The following PCDHAC1 variants were observed in gnomAD, a reference collection of about 807,000 sequenced individuals.
The protein encoded by PCDHAC1 is protocadherin alpha subfamily C, 1, also known as protocadherin alpha-C1.
Under a neutral mutation model 60.0 loss-of-function variants are expected in PCDHAC1, and 42 were observed. The observed-to-expected ratio is 0.70, with a 90% CI of 0.55 to 0.90. The LOEUF is 0.90. Ranked by LOEUF, PCDHAC1 falls within the 40% of genes least tolerant of loss-of-function variation. PCDHAC1 has a pLI of 0.00. For missense variants in PCDHAC1, 1,160 were observed against 1,222.3 expected (o/e 0.95, Z 0.76); for synonymous variants, 468 against 499.3 (o/e 0.94, Z 0.84).
chr5:140,982,582 T>C lies in PCDHAC1; in HGVS notation c.2581+19T>C. On this transcript the variant is annotated intron_variant, in intron 3 of 3. Transcript: ENST00000253807. ...ACACCAGGTAAAGAGCTGGGGTCTC[T>C]CCATTCTTTCTTGGTTTCTGGAAAG... 6.2e-7 allele frequency: 1 copy of C among 1,612,148 alleles called. No homozygotes were observed. Among genetic ancestry groups the C allele is most frequent in the Non-Finnish European group, 8.5e-7 (1 of 1,178,720 alleles).
At chr5:140,950,914 T>C (rs1198787949) in intron 1 of PCDHAC1, among the ~76,000 whole-genome samples, 1 of 152,044 alleles carries the variant, frequency 6.6e-6, no homozygotes, top group African/African-American at 2.4e-5. Flanking sequence ...TTTATTTTAT[T>C]TCAGTTCTTT....
intron 1 of PCDHAC1, among the ~76,000 whole-genome samples, chr5:140,974,766 G>A (rs2096639663): frequency 6.6e-6 from 1 of 152,158 alleles, no homozygotes; most frequent in Non-Finnish European, 1.5e-5. Flanking sequence ...GGGATTACAG[G>A]TATGAGCCAC....
chr5:141,009,494 A>G (rs1554262180), intron 3 of PCDHAC1, 133 bp from the exon 4 acceptor site: 16 of 1,488,800 alleles, frequency 1.1e-5, no homozygotes, highest in Non-Finnish European at 1.4e-5. Flanking sequence ...TTGCCCTCAG[A>G]CTTGAACAAA....
chr5:140,974,544 T>C (rs1393611069), intron 1 of PCDHAC1, among the ~76,000 whole-genome samples: 1 of 152,232 alleles, frequency 6.6e-6, no homozygotes, highest in Non-Finnish European at 1.5e-5. Context: ...GGAGTTTTGC[T>C]CTTGTTGCCC....
chr5:140,980,057 C>T (rs559895684), intron 2 of PCDHAC1, among the ~76,000 whole-genome samples: 2 of 152,272 alleles, frequency 1.3e-5, no homozygotes, highest in East Asian at 3.9e-4. Context: ...GATTCAGAAG[C>T]AATCAGTGAA....
chr5:140,977,630 C>T (rs2096769145), intron 1 of PCDHAC1, among the ~76,000 whole-genome samples: 1 of 152,148 alleles, frequency 6.6e-6, no homozygotes, highest in African/African-American at 2.4e-5. Flanking sequence ...AGAGTTGTAA[C>T]TTTTTCTGGG....
intron 3 of PCDHAC1, among the ~76,000 whole-genome samples, chr5:141,006,466 G>T (rs2153987717): frequency 6.6e-6 from 1 of 152,178 alleles, no homozygotes; most frequent in South Asian, 2.1e-4. Context: ...GCCTGTCTCG[G>T]CCTCCCAAAG....
chr5:141,007,654 C>G (rs1461130528), intron 3 of PCDHAC1, among the ~76,000 whole-genome samples: 1 of 152,052 alleles, frequency 6.6e-6, no homozygotes, highest in Non-Finnish European at 1.5e-5. Flanking sequence ...CCTAAAAAAC[C>G]ATAAATTTAC....
chr5:141,001,022 T>C (rs2097984457), intron 3 of PCDHAC1, among the ~76,000 whole-genome samples: 1 of 152,250 alleles, frequency 6.6e-6, no homozygotes, highest in Non-Finnish European at 1.5e-5. Context: ...TATACACTTA[T>C]AATAATAGCT....
chr5:140,944,710 T>C (rs564606677), intron 1 of PCDHAC1, among the ~76,000 whole-genome samples: 1 of 152,300 alleles, frequency 6.6e-6, no homozygotes, highest in East Asian at 1.9e-4. Flanking sequence ...TCAGGTTATT[T>C]TGCCTTTGAA....
intron 3 of PCDHAC1, among the ~76,000 whole-genome samples, chr5:140,984,059 C>A (rs1269975627): frequency 6.6e-6 from 1 of 152,108 alleles, no homozygotes; most frequent in East Asian, 1.9e-4. Flanking sequence ...CAAATCTGTA[C>A]CCTCAGTGCC....
intron 1 of PCDHAC1, chr5:140,968,458 T>C: frequency 6.2e-7 from 1 of 1,614,148 alleles, no homozygotes; most frequent in East Asian, 2.2e-5. Flanking sequence ...GCACTGTGAC[T>C]GCCAACGTAT....
chr5:140,978,044 G>A (rs1205342779), intron 1 of PCDHAC1, among the ~76,000 whole-genome samples: 1 of 152,140 alleles, frequency 6.6e-6, no homozygotes, highest in Non-Finnish European at 1.5e-5. Flanking sequence ...GACAGTGATG[G>A]TGACTGATGA....
chr5:140,948,255 C>G (rs1271882562), intron 1 of PCDHAC1, among the ~76,000 whole-genome samples: 1 of 151,484 alleles, frequency 6.6e-6, no homozygotes, highest in Non-Finnish European at 1.5e-5. Flanking sequence ...ATTTTTACAT[C>G]TGTGTTCATG....
chr5:140,997,357 A>G (rs1309712075), intron 3 of PCDHAC1, among the ~76,000 whole-genome samples: 1 of 152,218 alleles, frequency 6.6e-6, no homozygotes, highest in Non-Finnish European at 1.5e-5. Flanking sequence ...ATGTACTTAC[A>G]TAAACCTAGA....
At chr5:140,950,389 T>C (rs269550) in intron 1 of PCDHAC1, among the ~76,000 whole-genome samples, 33,984 of 151,960 alleles carry the variant, frequency 0.22, 4,900 homozygotes, top group African/African-American at 0.41. Context: ...TTGAATGATA[T>C]AGAATTCTGG....
rs2083383863 is a variant in PCDHAC1, at chr5:140,926,590, G to A, written c.-303G>A. 1 of 296,754 alleles carries A rather than the reference G, an allele frequency of 3.4e-6. No individual in the cohort carries two copies. Among genetic ancestry groups the A allele is most frequent in the Non-Finnish European group, 6.1e-6 (1 of 162,726 alleles). The allele number at this position is 296,754 out of a possible 1,614,324, so 18.4% of individuals were successfully genotyped here. A position where few individuals can be genotyped will look rare whatever the true frequency, so the allele number is the denominator to read the frequency against. ...CTGGAGACAGCACCTCTCGCGCCCG[G>A]GCGGGCGGCCTCGTCTCTGCACCCC... On this transcript the variant is annotated 5_prime_UTR_variant, in exon 1 of 4. Transcript: ENST00000253807.
At chr5:140,969,598 T>C in intron 1 of PCDHAC1, 1 of 790,872 alleles carries the variant, frequency 1.3e-6, no homozygotes, top group Non-Finnish European at 1.9e-6. Context: ...TAATATTTAA[T>C]GCTAAAACAC....
rs2153592349 is a variant in PCDHAC1 at position 140,927,874 on chromosome 5, G to A, written c.982G>A (p.Val328Met). 1.9e-6 allele frequency: 3 copies of A among 1,614,102 alleles called. No individual in the cohort carries two copies. The East Asian group carries it at 6.7e-5, about 36-fold the overall frequency. Reference sequence around the variant, plus strand: ...TTTAGCTAGCACCGCTAAACTGCTGGTGGAGGTGACTGACGTGAACGATCA... The same window carrying A: ...TTTAGCTAGCACCGCTAAACTGCTGATGGAGGTGACTGACGTGAACGATCA... Reference protein sequence around the residue: ...FGLASTAKLLVEVTDVNDHAP... With the variant: ...FGLASTAKLLMEVTDVNDHAP... Residue 328 changes from valine (V) to methionine (M), a missense_variant, in exon 1 of 4, where the codon GTG becomes ATG. Coordinates refer to ENST00000253807, the MANE Select transcript of PCDHAC1 (RefSeq NM_018898.5).
Sources: gnomAD v4.1 joint callset for allele counts (sites outside exome capture counted in the v4.1 genomes callset) on GRCh38, gnomAD v4.1.1 for gene constraint, MANE v1.5 for transcripts, NCBI Gene and HGNC (gene_info 2026-07-23, HGNC 2026-07-21) for gene names.